Variants in KIAA0232 observed in about 807,000 individuals in gnomAD.
The protein encoded by KIAA0232 is KIAA0232, also known as uncharacterized protein KIAA0232.
KIAA0232 carries 27 observed loss-of-function variants against 122.0 expected under a neutral mutation model. The observed-to-expected ratio is 0.22, with a 90% confidence interval of 0.16 to 0.31. The LOEUF (loss-of-function observed/expected upper bound fraction) is 0.31. KIAA0232 is among the 10% of genes least tolerant of loss of function. The probability of loss-of-function intolerance (pLI) is 1.00; values close to 1 mark genes in which losing one functional copy is unlikely to be tolerated. For synonymous variants in KIAA0232, 613 were observed against 587.6 expected (o/e 1.04, Z -0.63); for missense variants, 1,551 against 1,634.2 (o/e 0.95, Z 0.88).
chr4:6,802,320 C>T (rs1290887577), intron 1 of KIAA0232, among the ~76,000 whole-genome samples: 2 of 152,202 alleles, frequency 1.3e-5, no homozygotes, highest in South Asian at 2.1e-4. Context: ...TGAGGCAGTT[C>T]TCTGTAGCCA....
chr4:6,859,100 TAAAA>T (rs34866239), intron 6 of KIAA0232, among the ~76,000 whole-genome samples: 3 of 106,296 alleles, frequency 2.8e-5, no homozygotes, highest in South Asian at 6.2e-4. Context: ...TCTGTCTTAT[TAAAA>T]AAAAAAAAAA....
intron 3 of KIAA0232, among the ~76,000 whole-genome samples, chr4:6,832,377 C>T (rs1719035865): frequency 7.0e-6 from 1 of 143,592 alleles, no homozygotes; most frequent in Admixed American, 7.1e-5. Context: ...GAGAGGGACT[C>T]TTGCTGTGTT....
intron 1 of KIAA0232, among the ~76,000 whole-genome samples, chr4:6,791,261 A>G (rs1716880323): frequency 7.4e-6 from 1 of 135,786 alleles, no homozygotes; most frequent in African/African-American, 2.8e-5. Flanking sequence ...TTGTTAAAGT[A>G]TGTGTTTTGT....
At chr4:6,865,199 CTG>C (rs1191727204) in intron 7 of KIAA0232, among the ~76,000 whole-genome samples, 2 of 152,198 alleles carry the variant, frequency 1.3e-5, no homozygotes, top group African/African-American at 2.4e-5. Context: ...AGACAATAAA[CTG>C]TTTCACAAAA....
intron 7 of KIAA0232, among the ~76,000 whole-genome samples, chr4:6,865,290 A>AT (rs1360047867): frequency 6.6e-6 from 1 of 152,062 alleles, no homozygotes; most frequent in African/African-American, 2.4e-5. Context: ...AGTTTATTTA[A>AT]TTTTGTTTTT....
In KIAA0232 at chr4:6,789,300, G is replaced by T. The variant is rs185362795; in HGVS notation, c.-354+6459G>T. Among the ~76,000 whole-genome samples the T allele has an allele frequency of 4.5e-5, 6 of 134,532 alleles. 1 individual carries two copies. In the East Asian group the frequency reaches 1.3e-3, roughly 30 times the overall value. 88.3% of individuals were successfully genotyped at this position (134,532 alleles called of 152,430 possible). A position where few individuals can be genotyped will look rare whatever the true frequency, so the allele number is the denominator to read the frequency against. ...CTTTTTTTTTTTTTCCCGAGACTGAGTTTTACTCTGTCACCCAGGTTGGAG... is the reference window on the plus strand; with the variant it reads ...CTTTTTTTTTTTTTCCCGAGACTGATTTTTACTCTGTCACCCAGGTTGGAG... On this transcript the variant is annotated intron_variant, in intron 1 of 9. Transcript: ENST00000307659.
At chr4:6,840,045 C>T (rs1409557709) in intron 3 of KIAA0232, among the ~76,000 whole-genome samples, 4 of 152,022 alleles carry the variant, frequency 2.6e-5, no homozygotes, top group East Asian at 3.9e-4. Context: ...AATTGGCTTA[C>T]GGGGGAAAAA....
Position 6,858,468 on chromosome 4 carries a change from G to T in KIAA0232, c.480G>T (p.Glu160Asp). 1 of 1,608,886 alleles carries T rather than the reference G, an allele frequency of 6.2e-7. No individual in the cohort carries two copies. The highest frequency in any genetic ancestry group is 1.7e-5 in the Admixed American group (1 of 59,086). The part of the protein sequence containing the change: ...HKKLEGSPSP[E>D]AELSPPAKDQ... ...AGTTAGAGGGGTCTCCCTCTCCAGA[G>T]GCAGAATTATCCCCTCCAGCAAAGG... Residue 160 changes from glutamate (E) to aspartate (D), a missense_variant, in exon 6 of 10, where the codon GAG becomes GAT. Around this residue, in one of 5 missense-constraint regions of KIAA0232, gnomAD observed 377 missense variants for 381.7 expected, o/e 0.99. Coordinates refer to ENST00000307659, the MANE Select transcript of KIAA0232 (RefSeq NM_014743.3).
chr4:6,829,558 A>G (rs1343965452), intron 3 of KIAA0232, among the ~76,000 whole-genome samples: 1 of 152,228 alleles, frequency 6.6e-6, no homozygotes, highest in African/African-American at 2.4e-5. Context: ...AGCACCAGCC[A>G]CTTAATATGT....
At chr4:6,788,517 G>A (rs2108859431) in intron 1 of KIAA0232, among the ~76,000 whole-genome samples, 1 of 152,234 alleles carries the variant, frequency 6.6e-6, no homozygotes, top group Admixed American at 6.5e-5. Flanking sequence ...GTGCTAGCCT[G>A]ATACCTCTAC....
chr4:6,787,147 C>G (rs1009648629), intron 1 of KIAA0232, among the ~76,000 whole-genome samples: 1 of 137,052 alleles, frequency 7.3e-6, no homozygotes, highest in Non-Finnish European at 1.5e-5. Context: ...CACCACTGGA[C>G]TCCAGCCTGG....
intron 1 of KIAA0232, 31 bp from the exon 2 acceptor site, chr4:6,804,492 A>G (rs1471704801): frequency 6.6e-6 from 1 of 152,192 alleles, no homozygotes; most frequent in Non-Finnish European, 1.5e-5. Context: ...TACGTCTTTG[A>G]TACTAAAATG....
intron 4 of KIAA0232, among the ~76,000 whole-genome samples, chr4:6,854,798 T>A (rs1720484773): frequency 1.3e-5 from 2 of 152,238 alleles, no homozygotes; most frequent in Admixed American, 6.5e-5. Context: ...GTTATTAAGA[T>A]ATAACTTAAT....
intron 1 of KIAA0232, among the ~76,000 whole-genome samples, chr4:6,802,517 C>A (rs905628893): frequency 1.3e-5 from 2 of 152,094 alleles, no homozygotes; most frequent in Non-Finnish European, 2.9e-5. Flanking sequence ...GTCTCTTTCT[C>A]TTTCTCTGTG....
intron 3 of KIAA0232, among the ~76,000 whole-genome samples, chr4:6,838,408 C>T (rs958081109): frequency 6.6e-6 from 1 of 152,082 alleles, no homozygotes; most frequent in Non-Finnish European, 1.5e-5. Context: ...AGGCTGTTCT[C>T]AAACTCCTGG....
chr4:6,796,683 T>C (rs1560161776), intron 1 of KIAA0232, among the ~76,000 whole-genome samples: 1 of 152,262 alleles, frequency 6.6e-6, no homozygotes, highest in African/African-American at 2.4e-5. Context: ...AAGGTGACTC[T>C]TATGGCCCTT....
chr4:6,866,238 C>T (rs900232293), intron 7 of KIAA0232: 3 of 983,598 alleles, frequency 3.1e-6, no homozygotes, highest in Non-Finnish European at 3.6e-6. Flanking sequence ...CTACATCATA[C>T]CACTACCATA....
At position 6,852,174 on chromosome 4, in the gene KIAA0232, C is replaced by T. The variant is rs577801200; in HGVS notation, c.370-4990C>T. On this transcript the variant is annotated intron_variant, in intron 4 of 9. Transcript: ENST00000307659. Reference sequence around the variant, plus strand: ...AGCAAATGTGCATGAGAGCTGGAGACAGGCCAATTTTTTTAGACCATTCCG... The same window carrying T: ...AGCAAATGTGCATGAGAGCTGGAGATAGGCCAATTTTTTTAGACCATTCCG... Among the ~76,000 whole-genome samples the T allele has an allele frequency of 4.1e-4, 62 of 152,208 alleles. 1 individual carries two copies. The South Asian group carries it at 0.011, about 26-fold the overall frequency.
intron 3 of KIAA0232, among the ~76,000 whole-genome samples, chr4:6,840,287 C>G (rs1262047593): frequency 1.3e-5 from 2 of 152,190 alleles, no homozygotes; most frequent in Non-Finnish European, 2.9e-5. Context: ...CAGCAAGGAC[C>G]ATGAAATGTG....
Sources: allele counts gnomAD v4.1 joint callset (sites outside exome capture counted in the v4.1 genomes callset), GRCh38; gene constraint gnomAD v4.1.1; regional missense constraint gnomAD v4.1.1; transcripts MANE v1.5; gene names NCBI Gene and HGNC (gene_info 2026-07-23, HGNC 2026-07-21).